USP8: variants seen among roughly 807,000 people sequenced by gnomAD.
USP8 encodes the protein ubiquitin specific peptidase 8, also known as ubiquitin carboxyl-terminal hydrolase 8.
Under a neutral mutation model 130.0 loss-of-function variants are expected in USP8, and 27 were observed. The ratio of observed to expected loss-of-function variants is 0.21; its 90% CI spans 0.15 to 0.29. The LOEUF (loss-of-function observed/expected upper bound fraction) is 0.29. USP8 is among the 10% of genes least tolerant of loss of function. The probability of loss-of-function intolerance (pLI) is 1.00; values close to 1 mark genes in which losing one functional copy is unlikely to be tolerated. For missense variants in USP8, 1,029 were observed against 1,312.2 expected (o/e 0.78, Z 3.33); for synonymous variants, 392 against 444.1 (o/e 0.88, Z 1.48).
intron 1 of USP8, among the ~76,000 whole-genome samples, chr15:50,431,974 C>A (rs571797503): frequency 3.3e-5 from 5 of 152,214 alleles, no homozygotes; most frequent in Admixed American, 3.3e-4. Flanking sequence ...TCCTTTCTTA[C>A]CCTGTTCTTA....
chr15:50,459,584 C>CA (rs993505526), intron 5 of USP8, among the ~76,000 whole-genome samples: 47 of 149,488 alleles, frequency 3.1e-4, no homozygotes, highest in African/African-American at 9.8e-4. Context: ...ACTCTTGTCT[C>CA]AAAAAAAAAG....
intron 1 of USP8, 60 bp from the exon 2 acceptor site, chr15:50,438,949 C>T (rs964803713): frequency 1.1e-5 from 7 of 646,086 alleles, no homozygotes; most frequent in African/African-American, 1.9e-5. Flanking sequence ...TTTTTTTAAA[C>T]TGCTCACTTG....
intron 1 of USP8, among the ~76,000 whole-genome samples, chr15:50,425,661 A>G (rs1161485418): frequency 6.7e-6 from 1 of 149,706 alleles, no homozygotes; most frequent in Non-Finnish European, 1.5e-5. Flanking sequence ...GTAGTAGTTT[A>G]AAAAAAAAAT....
At chr15:50,466,808 C>G (rs1256254889) in intron 7 of USP8, 2 of 269,252 alleles carry the variant, frequency 7.4e-6, no homozygotes, top group African/African-American at 4.5e-5. Context: ...TCGAATCACT[C>G]TCTATGAGCC....
At chr15:50,447,848 C>G (rs1479009959) in intron 3 of USP8, among the ~76,000 whole-genome samples, 1 of 151,920 alleles carries the variant, frequency 6.6e-6, no homozygotes, top group Non-Finnish European at 1.5e-5. Flanking sequence ...AGCTATCCTC[C>G]TGCCTCTGCC....
At chr15:50,436,202 T>C (rs1030287444) in intron 1 of USP8, among the ~76,000 whole-genome samples, 7 of 152,180 alleles carry the variant, frequency 4.6e-5, no homozygotes, top group Non-Finnish European at 8.8e-5. Flanking sequence ...TGTTTTTTTT[T>C]CCACTGCCAT....
intron 16 of USP8, 69 bp from the exon 17 acceptor site, chr15:50,495,779 C>A: frequency 7.8e-7 from 1 of 1,281,446 alleles, no homozygotes; most frequent in South Asian, 1.4e-5. Flanking sequence ...TTTGTATTCA[C>A]TTTTATTCTT....
At chr15:50,470,602 C>CT (rs869062114) in intron 7 of USP8, among the ~76,000 whole-genome samples, 2,606 of 132,380 alleles carry the variant, frequency 0.02, 75 homozygotes, top group African/African-American at 0.062. Context: ...AGGACTTTAG[C>CT]TTTTTTTTTT....
At position 50,512,430 on chromosome 15, in the gene USP8, G is replaced by C. The variant is rs2052750641; in HGVS notation, c.*13342G>C. On this transcript the variant is annotated 3_prime_UTR_variant, in exon 20 of 20. Transcript: ENST00000307179. ...AACGGGTTACAGGGTTTCTTTTGGG[G>C]ATAACGAAAATGTTCTAAAACTGGA... 6.6e-6 allele frequency: 1 copy of C among 152,188 alleles called. No individual in the cohort carries two copies. Among genetic ancestry groups the C allele is most frequent in the Non-Finnish European group, 1.5e-5 (1 of 68,130 alleles). 9.4% of individuals were successfully genotyped at this position (152,188 alleles called of 1,614,324 possible). A position where few individuals can be genotyped will look rare whatever the true frequency, so the allele number is the denominator to read the frequency against.
chr15:50,506,809 T>A lies in USP8; in HGVS notation c.*7721T>A. On this transcript the variant is annotated 3_prime_UTR_variant, in exon 20 of 20. Transcript: ENST00000307179. ...CTCATCTCTACAAAAATACAAAAAA[T>A]TAGCCGGGCATGGTGGCAGGCGCCT... The A allele has an allele frequency of 6.6e-6, 1 of 151,280 alleles. No individual in the cohort carries two copies. The highest frequency in any genetic ancestry group is 1.5e-5 in the Non-Finnish European group (1 of 67,978). 9.4% of individuals were successfully genotyped at this position (151,280 alleles called of 1,614,324 possible). A position where few individuals can be genotyped will look rare whatever the true frequency, so the allele number is the denominator to read the frequency against.
rs748794488 is a variant in USP8 at position 50,484,282 on chromosome 15, A to C, written c.1811A>C (p.Lys604Thr). Residue 604 changes from lysine (K) to threonine (T), a missense_variant, in exon 12 of 20, where the codon AAG becomes ACG. Lys to Thr is a moderately conservative substitution (Grantham distance 78). Coordinates refer to ENST00000307179, the MANE Select transcript of USP8 (RefSeq NM_005154.5). ...ATTTTAATAATTTTACAGCCATTTA[A>C]GATTAAAGGACAACCAGAAAGTGGA... ...TGDSGSGKPF[K>T]IKGQPESGIL... 6.2e-7 allele frequency: 1 copy of C among 1,608,770 alleles called. No individual in the cohort carries two copies. The highest frequency in any genetic ancestry group is 1.1e-5 in the South Asian group (1 of 90,098).
At position 50,490,445 on chromosome 15, in the gene USP8, C is replaced by T. The variant is rs1261832527; in HGVS notation, c.2154C>T (p.Ser718=). The T allele has an allele frequency of 1.9e-6, 3 of 1,614,148 alleles. No individual in the cohort carries two copies. The highest frequency in any genetic ancestry group is 1.7e-5 in the Admixed American group (1 of 60,020). The change falls in exon 14 of 20, where the codon TCC becomes TCT. Residue 718 remains serine (S), a synonymous_variant. Transcript: ENST00000307179. ...CTTCCAAACTGAAGCGCTCCTACTC[C>T]TCCCCAGATATAACCCAGGCTATTC... is the stretch of plus-strand genomic sequence containing the variant. ...REPSKLKRSY[S]SPDITQAIQE... is the part of the protein sequence containing the mutation.
rs920185387 is a variant in USP8, at chr15:50,504,031, G to T, written c.*4943G>T. 1 of 152,106 alleles carries T rather than the reference G, an allele frequency of 6.6e-6. No individual in the cohort carries two copies. Among genetic ancestry groups the T allele is most frequent in the Non-Finnish European group, 1.5e-5 (1 of 68,018 alleles). The allele number at this position is 152,106 out of a possible 1,614,324, so 9.4% of individuals were successfully genotyped here. ...AATGAGAAATACAACATAGTTGGCCGTCCATATTTACGGGCTCTGCATCTT... is the reference window on the plus strand; with the variant it reads ...AATGAGAAATACAACATAGTTGGCCTTCCATATTTACGGGCTCTGCATCTT... On this transcript the variant is annotated 3_prime_UTR_variant, in exon 20 of 20. Transcript: ENST00000307179.
intron 14 of USP8, among the ~76,000 whole-genome samples, chr15:50,491,120 A>G (rs2052144941): frequency 6.6e-6 from 1 of 152,182 alleles, no homozygotes; most frequent in Admixed American, 6.5e-5. Flanking sequence ...GAATCCTCTT[A>G]GCTTATGACT....
rs2052678449 is a variant in USP8 at position 50,507,503 on chromosome 15, T to C, written c.*8415T>C. On this transcript the variant is annotated 3_prime_UTR_variant, in exon 20 of 20. Transcript: ENST00000307179. ...ACATCAGCTAAAATGGTCCCTAAGATAGAATGCATTGTAAATGAGTCACTT... is the reference window on the plus strand; with the variant it reads ...ACATCAGCTAAAATGGTCCCTAAGACAGAATGCATTGTAAATGAGTCACTT... 6.6e-6 allele frequency: 1 copy of C among 152,160 alleles called. No homozygotes were observed. The highest frequency in any genetic ancestry group is 1.5e-5 in the Non-Finnish European group (1 of 68,020). The allele number at this position is 152,160 out of a possible 1,614,324, so 9.4% of individuals were successfully genotyped here.
At chr15:50,483,578 T>C (rs554764955) in intron 11 of USP8, among the ~76,000 whole-genome samples, 1 of 152,310 alleles carries the variant, frequency 6.6e-6, no homozygotes, top group South Asian at 2.1e-4. Flanking sequence ...GCGGATCACT[T>C]GGTCAGGAGA....
At chr15:50,462,781 G>A (rs1246119733) in intron 6 of USP8, among the ~76,000 whole-genome samples, 1 of 151,940 alleles carries the variant, frequency 6.6e-6, no homozygotes, top group Non-Finnish European at 1.5e-5. Context: ...TTATTTCATA[G>A]GGTTGTTGTC....
intron 4 of USP8, among the ~76,000 whole-genome samples, chr15:50,453,452 C>T (rs1326656187): frequency 6.6e-6 from 1 of 152,152 alleles, no homozygotes; most frequent in Non-Finnish European, 1.5e-5. Flanking sequence ...TGGGATTCTT[C>T]TTATATCTTA....
At chr15:50,496,837 G>C (rs995756638) in intron 17 of USP8, 1 of 323,008 alleles carries the variant, frequency 3.1e-6, no homozygotes, top group Non-Finnish European at 5.6e-6. Flanking sequence ...GGGTTTCTCT[G>C]ATTGACCAGG....
Sources: gnomAD v4.1 joint callset for allele counts (sites outside exome capture counted in the v4.1 genomes callset) on GRCh38, gnomAD v4.1.1 for gene constraint, MANE v1.5 for transcripts, NCBI Gene and HGNC (gene_info 2026-07-23, HGNC 2026-07-21) for gene names.